Variants in SELENOT observed in about 807,000 individuals in gnomAD.
The protein encoded by SELENOT is thioredoxin reductase-like selenoprotein T.
SELENOT carries 9 observed loss-of-function variants against 24.3 expected under a neutral mutation model. That is an observed-to-expected ratio of 0.37 (90% CI 0.22 to 0.65). The LOEUF (loss-of-function observed/expected upper bound fraction) is 0.65. Among genes scored for constraint, SELENOT ranks in the 30% least tolerant of loss-of-function variants. The pLI is 0.60. For missense variants in SELENOT, 166 were observed against 247.6 expected (o/e 0.67, Z 2.21); for synonymous variants, 81 against 86.0 (o/e 0.94, Z 0.32).
intron 4 of SELENOT, among the ~76,000 whole-genome samples, chr3:150,625,992 C>T (rs1726433995): frequency 1.3e-5 from 2 of 151,998 alleles, no homozygotes; most frequent in African/African-American, 4.8e-5. Context: ...GCCTCAGCCT[C>T]CTGCGTAGCT....
Position 150,627,018 on chromosome 3 carries a change from G to C in SELENOT, c.472G>C (p.Val158Leu), listed in dbSNP as rs746775644. Residue 158 changes from valine to leucine, a missense_variant, in exon 5 of 6, where the codon GTG (valine) becomes CTG (leucine). Around this residue, in one of 5 missense-constraint regions of SELENOT, gnomAD observed 44 missense variants for 72.2 expected, o/e 0.61. Transcript: ENST00000471696. ...AFEITLNDVP[V>L]WSKLESGHLP... is the part of the protein sequence containing the mutation. Reference sequence around the variant, plus strand: ...GCCATTTATTTTTATAGATGTACCTGTGTGGTCTAAGCTGGAATCTGGTCA... The same window carrying C: ...GCCATTTATTTTTATAGATGTACCTCTGTGGTCTAAGCTGGAATCTGGTCA... 18 of 1,611,874 alleles carry C rather than the reference G, an allele frequency of 1.1e-5. No individual in the cohort carries two copies. The highest frequency in any genetic ancestry group is 2.7e-5 in the African/African-American group (2 of 74,848).
chr3:150,613,766 C>T (rs1390139470), intron 1 of SELENOT, among the ~76,000 whole-genome samples: 1 of 142,714 alleles, frequency 7.0e-6, no homozygotes, highest in Non-Finnish European at 1.5e-5. Context: ...TCATTAGGTT[C>T]CCTAAGATTC....
Position 150,629,025 on chromosome 3 carries a change from C to G in SELENOT, c.*1396C>G, listed in dbSNP as rs1259496930. 2 of 152,152 alleles carry G rather than the reference C, an allele frequency of 1.3e-5. No individual in the cohort carries two copies. Among genetic ancestry groups the G allele is most frequent in the Non-Finnish European group, 2.9e-5 (2 of 68,026 alleles). 9.4% of individuals were successfully genotyped at this position (152,152 alleles called of 1,614,324 possible). A position where few individuals can be genotyped will look rare whatever the true frequency, so the allele number is the denominator to read the frequency against. On this transcript the variant is annotated 3_prime_UTR_variant, in exon 6 of 6. Transcript: ENST00000471696. ...ATCTGAAATGTTCCATGAGCATTTC[C>G]TTTGAGTGTCATGTTGGCACTCAAA...
intron 1 of SELENOT, among the ~76,000 whole-genome samples, chr3:150,613,441 CCTAGTAATAACTTA>C (rs1199840578): frequency 1.3e-5 from 2 of 151,992 alleles, no homozygotes; most frequent in Non-Finnish European, 2.9e-5. Flanking sequence ...GAAAGCATTG[CCTAGTAATAACTTA>C]CTAGTCTTAA....
intron 1 of SELENOT, among the ~76,000 whole-genome samples, chr3:150,619,487 G>T (rs1349919212): frequency 6.6e-6 from 1 of 152,204 alleles, no homozygotes; most frequent in Non-Finnish European, 1.5e-5. Flanking sequence ...AGTGAGCCGA[G>T]ATCGCGCCAC....
At chr3:150,611,620 C>G in intron 1 of SELENOT, 1 of 1,535,730 alleles carries the variant, frequency 6.5e-7, no homozygotes, top group Non-Finnish European at 9.0e-7. Context: ...TTATCCAGCT[C>G]GATCTTCACC....
Position 150,603,384 on chromosome 3 carries a change from C to T in SELENOT, c.22C>T (p.Leu8=), listed in dbSNP as rs758563617. 1 of 1,613,086 alleles carries T rather than the reference C, an allele frequency of 6.2e-7. No individual in the cohort carries two copies. Among genetic ancestry groups the T allele is most frequent in the East Asian group, 2.2e-5 (1 of 44,858 alleles). The change falls in exon 1 of 6, where the codon CTA becomes TTA. Residue 8 remains leucine (L), a synonymous_variant. Coordinates refer to ENST00000471696, the MANE Select transcript of SELENOT (RefSeq NM_016275.5). MRLLLLL[L]VAASAMVRSE... is the part of the protein sequence containing the mutation. Reference sequence around the variant, plus strand: ...TAAGATGAGGCTTCTGCTGCTTCTCCTAGTGGCGGCGTCTGCGATGGTCCG... The same window carrying T: ...TAAGATGAGGCTTCTGCTGCTTCTCTTAGTGGCGGCGTCTGCGATGGTCCG...
Position 150,623,104 on chromosome 3 carries a change from A to T in SELENOT, c.310A>T (p.Lys104Ter). 1 of 1,606,396 alleles carries T rather than the reference A, an allele frequency of 6.2e-7. No homozygotes were observed. Among genetic ancestry groups the T allele is most frequent in the Non-Finnish European group, 8.5e-7 (1 of 1,176,740 alleles). ...LVLIGLIIVG[K>*]DPFAFFGMQA... Reference sequence around the variant, plus strand: ...ATTAATAGGCTTAATAATTGTTGGCAAGGATCCTTTTGCTTTCTTTGGCAT... The same window carrying T: ...ATTAATAGGCTTAATAATTGTTGGCTAGGATCCTTTTGCTTTCTTTGGCAT... The change falls in exon 3 of 6, where the codon AAG (lysine) becomes TAG (stop). Residue 104 changes from lysine to a stop codon, truncating the protein, a stop_gained. Transcript: ENST00000471696. LOFTEE classifies it high-confidence loss of function.
rs1452204254 is a variant in SELENOT at position 150,628,244 on chromosome 3, G to C, written c.*615G>C. The C allele has an allele frequency of 6.6e-6, 1 of 152,442 alleles. No homozygotes were observed. Among genetic ancestry groups the C allele is most frequent in the Non-Finnish European group, 1.5e-5 (1 of 67,970 alleles). 9.4% of individuals were successfully genotyped at this position (152,442 alleles called of 1,614,324 possible). A position where few individuals can be genotyped will look rare whatever the true frequency, so the allele number is the denominator to read the frequency against. ...TGTGTATGTGCGTGTGATTACCAGA[G>C]AACTACTAAAAAAACCAACTGCTTT... On this transcript the variant is annotated 3_prime_UTR_variant, in exon 6 of 6. Coordinates refer to ENST00000471696, the MANE Select transcript of SELENOT (RefSeq NM_016275.5).
At chr3:150,606,916 C>A (rs1384594836) in intron 1 of SELENOT, among the ~76,000 whole-genome samples, 1 of 151,962 alleles carries the variant, frequency 6.6e-6, no homozygotes, top group Non-Finnish European at 1.5e-5. Flanking sequence ...TTGTGTTTTC[C>A]TTTTATTGAT....
At chr3:150,612,989 T>A (rs553062588) in intron 1 of SELENOT, among the ~76,000 whole-genome samples, 5 of 152,182 alleles carry the variant, frequency 3.3e-5, no homozygotes, top group African/African-American at 1.2e-4. Flanking sequence ...TAAGTTAGAG[T>A]TCTTGGCACT....
Position 150,603,342 on chromosome 3 carries a change from G to C in SELENOT, c.-21G>C. On this transcript the variant is annotated 5_prime_UTR_variant, in exon 1 of 6. Coordinates refer to ENST00000471696, the MANE Select transcript of SELENOT (RefSeq NM_016275.5). ...GGCTGCAGTCTGTCTGAGGGCGGCC[G>C]AAGTGGCTGGCTCATTTAAGATGAG... The C allele has an allele frequency of 6.2e-7, 1 of 1,604,682 alleles. No individual in the cohort carries two copies. The highest frequency in any genetic ancestry group is 1.1e-5 in the South Asian group (1 of 90,622).
intron 4 of SELENOT, 122 bp downstream of exon 4, chr3:150,625,021 A>C (rs763263337): frequency 1.4e-5 from 7 of 503,280 alleles, no homozygotes; most frequent in Non-Finnish European, 2.0e-5. Flanking sequence ...AGTTTATTTG[A>C]AAGAAATTGA....
chr3:150,614,142 A>G (rs143168429), intron 1 of SELENOT, among the ~76,000 whole-genome samples: 288 of 152,362 alleles, frequency 1.9e-3, no homozygotes, highest in African/African-American at 6.7e-3. Flanking sequence ...ACATTATAAA[A>G]TGAAAATGCT....
rs1203078693 is a variant in SELENOT, at chr3:150,627,873, C to T, written c.*244C>T. 1 of 152,068 alleles carries T rather than the reference C, an allele frequency of 6.6e-6. No individual in the cohort carries two copies. Among genetic ancestry groups the T allele is most frequent in the African/African-American group, 2.4e-5 (1 of 41,390 alleles). 9.4% of individuals were successfully genotyped at this position (152,068 alleles called of 1,614,324 possible). On this transcript the variant is annotated 3_prime_UTR_variant, in exon 6 of 6. Transcript: ENST00000471696. ...ACTGTATAGCTTTCCCCACCTCCCA[C>T]AAAATCACCCAGTTAATGTGTGTGT...
At chr3:150,615,422 A>G (rs1041446018) in intron 1 of SELENOT, among the ~76,000 whole-genome samples, 4 of 151,724 alleles carry the variant, frequency 2.6e-5, no homozygotes, top group Non-Finnish European at 4.4e-5. Context: ...CTAGTTCTAG[A>G]TCCCTGAGGA....
At position 150,624,792 on chromosome 3, in the gene SELENOT, T is replaced by C; in HGVS notation, c.376-20T>C. On this transcript the variant is annotated intron_variant, in intron 3 of 5. Coordinates refer to ENST00000471696, the MANE Select transcript of SELENOT (RefSeq NM_016275.5). ...CCAAACATGACTTTGCCTGTTGTGC[T>C]TAATTATATTTTCTTTTAGGTTTAT... is the stretch of plus-strand genomic sequence containing the variant. The C allele has an allele frequency of 6.8e-7, 1 of 1,477,086 alleles. No homozygotes were observed. The highest frequency in any genetic ancestry group is 1.4e-5 in the African/African-American group (1 of 70,706). 91.5% of individuals were successfully genotyped at this position (1,477,086 alleles called of 1,614,324 possible).
intron 1 of SELENOT, chr3:150,611,117 GT>G (rs1389358132): frequency 1.8e-6 from 1 of 555,524 alleles, no homozygotes; most frequent in Non-Finnish European, 3.2e-6. Context: ...TTTTACATGA[GT>G]TTCCAACTAA....
intron 1 of SELENOT, among the ~76,000 whole-genome samples, chr3:150,622,109 A>G (rs185260804): frequency 6.6e-6 from 1 of 152,018 alleles, no homozygotes; most frequent in Admixed American, 6.6e-5. Flanking sequence ...ATAAAGTTTA[A>G]TGTTCTTTTT....
Sources: gnomAD v4.1 joint callset for allele counts (sites outside exome capture counted in the v4.1 genomes callset) on GRCh38, gnomAD v4.1.1 for gene constraint, gnomAD v4.1.1 regional missense constraint, MANE v1.5 for transcripts, NCBI Gene and HGNC (gene_info 2026-07-23, HGNC 2026-07-21) for gene names.